Variants in STYK1 observed in about 807,000 individuals in gnomAD.
STYK1 encodes STY kinase 1, also known as tyrosine-protein kinase STYK1.
Under a neutral mutation model 48.1 loss-of-function variants are expected in STYK1, and 46 were observed. That is an observed-to-expected ratio of 0.96 (90% CI 0.75 to 1.22). The LOEUF (loss-of-function observed/expected upper bound fraction) is 1.22, where lower values mean the gene tolerates loss of function less well. Ranked by LOEUF, STYK1 falls within the 50% of genes most tolerant of loss-of-function variation. The pLI is 0.00. For synonymous variants in STYK1, 188 were observed against 189.0 expected (o/e 0.99, Z 0.04); for missense variants, 527 against 521.1 (o/e 1.01, Z -0.11).
At position 10,629,636 on chromosome 12, in the gene STYK1, G is replaced by T. The variant is rs759063099; in HGVS notation, c.490C>A (p.Arg164=). ...GLHEVQDFLG[R]IQFHQYLGKH... Reference sequence around the variant, plus strand: ...CCCAGGTATTGATGGAATTGGATTCGCCCTAAGAAATCTTGTACCTCATGG... The same window carrying T: ...CCCAGGTATTGATGGAATTGGATTCTCCCTAAGAAATCTTGTACCTCATGG... The change falls in exon 6 of 11, where the codon CGA becomes AGA. Residue 164 remains arginine (R), a synonymous_variant. Coordinates refer to ENST00000075503, the MANE Select transcript of STYK1 (RefSeq NM_018423.3). 2 of 1,614,144 alleles carry T rather than the reference G, an allele frequency of 1.2e-6. No homozygotes were observed. Among genetic ancestry groups the T allele is most frequent in the South Asian group, 1.1e-5 (1 of 91,076 alleles).
At chr12:10,635,581 A>G (rs570616594) in intron 2 of STYK1, among the ~76,000 whole-genome samples, 2 of 152,360 alleles carry the variant, frequency 1.3e-5, no homozygotes, top group African/African-American at 4.8e-5. Context: ...TTAAATAAAA[A>G]GAAAATACAT....
chr12:10,653,146 T>C (rs2125099), intron 1 of STYK1, among the ~76,000 whole-genome samples: 149,283 of 152,002 alleles, frequency 0.98, 73,361 homozygotes, highest in East Asian at 1. Flanking sequence ...GATATCGGCT[T>C]ACTGCAAGCT....
Position 10,620,237 on chromosome 12 carries a change from C to A in STYK1, c.1176G>T (p.Val392=). The stretch of plus-strand genomic sequence containing the variant: ...GTACCACCAACTCTGGTACTTGTAA[C>A]ACAGCCTCGTCATCTGCAGTTTTAA... ...AAIKTADDEA[V]LQVPELVVPE... is the part of the protein sequence containing the mutation. The change falls in exon 11 of 11, where the codon GTG becomes GTT. Residue 392 remains valine (V), a synonymous_variant. Coordinates refer to ENST00000075503, the MANE Select transcript of STYK1 (RefSeq NM_018423.3). 1.2e-6 allele frequency: 2 copies of A among 1,613,932 alleles called. No individual in the cohort carries two copies. The highest frequency in any genetic ancestry group is 8.5e-7 in the Non-Finnish European group (1 of 1,179,818).
In STYK1 at chr12:10,631,187, C is replaced by T. The variant is rs761448408; in HGVS notation, c.309G>A (p.Leu103=). The T allele has an allele frequency of 6.2e-7, 1 of 1,614,208 alleles. No homozygotes were observed. The highest frequency in any genetic ancestry group is 8.5e-7 in the Non-Finnish European group (1 of 1,180,036). The change falls in exon 5 of 11, where the codon CTG becomes CTA. Residue 103 remains leucine, a synonymous_variant. Coordinates refer to ENST00000075503, the MANE Select transcript of STYK1 (RefSeq NM_018423.3). ...GCTCCCGCGGCACCTGCAGCTTAGC[C>T]AGGGCAGGTGTGGTAGCTCCCAGAA... ...ENFLGATTPA[L]AKLQVPREQL...
chr12:10,643,100 C>A (rs1405865313), intron 1 of STYK1, among the ~76,000 whole-genome samples: 1 of 152,144 alleles, frequency 6.6e-6, no homozygotes, highest in East Asian at 1.9e-4. Flanking sequence ...TCCACTTCCC[C>A]AAATCTGCCC....
intron 1 of STYK1, among the ~76,000 whole-genome samples, chr12:10,656,355 G>C (rs893234126): frequency 6.6e-6 from 1 of 152,162 alleles, no homozygotes; most frequent in Non-Finnish European, 1.5e-5. Flanking sequence ...GGCTGAGTGC[G>C]GTGGCTCACA....
At chr12:10,657,250 C>G (rs866456688) in intron 1 of STYK1, among the ~76,000 whole-genome samples, 2 of 152,274 alleles carry the variant, frequency 1.3e-5, no homozygotes, top group South Asian at 4.1e-4. Flanking sequence ...TGGCCCTGTT[C>G]CTCAAAGGGC....
At chr12:10,648,162 A>C (rs1286394672) in intron 1 of STYK1, among the ~76,000 whole-genome samples, 1 of 152,254 alleles carries the variant, frequency 6.6e-6, no homozygotes, top group Non-Finnish European at 1.5e-5. Flanking sequence ...TTATTCATCA[A>C]ATGGAATTTA....
chr12:10,663,125 T>C (rs1327625068), intron 1 of STYK1, among the ~76,000 whole-genome samples: 1 of 152,156 alleles, frequency 6.6e-6, no homozygotes, highest in African/African-American at 2.4e-5. Flanking sequence ...TCAGCCTTAT[T>C]ATTACTAGAG....
At chr12:10,652,567 T>A (rs1196625542) in intron 1 of STYK1, among the ~76,000 whole-genome samples, 1 of 152,256 alleles carries the variant, frequency 6.6e-6, no homozygotes, top group East Asian at 1.9e-4. Context: ...TACCCTTGCT[T>A]CCTGAAGTAA....
In STYK1 at chr12:10,622,745, T is replaced by C. The variant is rs1163807681; in HGVS notation, c.927-67A>G. ...TTTTTCTAAAGAGAGCTCATTTAAG[T>C]GTCAGAAGCCTTTAATAAGAGCCCC... On this transcript the variant is annotated intron_variant, in intron 8 of 10. Transcript: ENST00000075503. The C allele has an allele frequency of 3.1e-6, 5 of 1,590,678 alleles. No individual in the cohort carries two copies. In the African/African-American group the frequency reaches 5.4e-5, roughly 17 times the overall value.
rs200398907 is a variant in STYK1 at position 10,634,004 on chromosome 12, C to T, written c.173G>A (p.Arg58His). The T allele has an allele frequency of 6.8e-5, 110 of 1,613,888 alleles. No individual in the cohort carries two copies. Among genetic ancestry groups the T allele is most frequent in the Middle Eastern group, 3.3e-4 (2 of 6,084 alleles). Reference sequence around the variant, plus strand: ...TTGAGCTTTACCTTGAGGTCCAGAACGCTGCTGTTGAGTTCTTTGTTCTCT... The same window carrying T: ...TTGAGCTTTACCTTGAGGTCCAGAATGCTGCTGTTGAGTTCTTTGTTCTCT... ...FIREQRTQQQ[R>H]SGPQGIAPVP... Residue 58 changes from arginine to histidine, a missense_variant, in exon 4 of 11, where the codon CGT becomes CAT. Transcript: ENST00000075503.
chr12:10,651,486 C>A (rs553740974), intron 1 of STYK1, among the ~76,000 whole-genome samples: 1 of 152,082 alleles, frequency 6.6e-6, no homozygotes, highest in Non-Finnish European at 1.5e-5. Context: ...ACACAAAGAG[C>A]CATTGTAATA....
At chr12:10,646,031 C>A (rs956980146) in intron 1 of STYK1, among the ~76,000 whole-genome samples, 1 of 152,170 alleles carries the variant, frequency 6.6e-6, no homozygotes, top group African/African-American at 2.4e-5. Context: ...TCCATTAAAC[C>A]TCTTTCTTTT....
chr12:10,620,927 A>C (rs1865896939), intron 10 of STYK1, among the ~76,000 whole-genome samples: 1 of 152,090 alleles, frequency 6.6e-6, no homozygotes, highest in Non-Finnish European at 1.5e-5. Context: ...ACCAGCCTTT[A>C]ACACATAGAA....
Position 10,634,666 on chromosome 12 carries a change from C to T in STYK1, c.-48G>A, listed in dbSNP as rs1337028603. ...CTGCTAGGCCCACAGAGAATGCACACAGCACAGCTGTGAGTAATTCCTAAG... is the reference window on the plus strand; with the variant it reads ...CTGCTAGGCCCACAGAGAATGCACATAGCACAGCTGTGAGTAATTCCTAAG... On this transcript the variant is annotated 5_prime_UTR_variant, in exon 3 of 11. In the 5' UTR this introduces an upstream ATG that the reference lacks. Coordinates refer to ENST00000075503, the MANE Select transcript of STYK1 (RefSeq NM_018423.3). 1 of 1,609,214 alleles carries T rather than the reference C, an allele frequency of 6.2e-7. No individual in the cohort carries two copies. Among genetic ancestry groups the T allele is most frequent in the South Asian group, 1.1e-5 (1 of 90,824 alleles).
chr12:10,659,053 G>A (rs1355004983), intron 1 of STYK1, among the ~76,000 whole-genome samples: 1 of 152,118 alleles, frequency 6.6e-6, no homozygotes, highest in African/African-American at 2.4e-5. Context: ...TGTGACATTA[G>A]GATAGAGGCG....
chr12:10,631,767 C>A (rs936804356), intron 4 of STYK1, among the ~76,000 whole-genome samples: 31 of 152,142 alleles, frequency 2.0e-4, no homozygotes, highest in Non-Finnish European at 1.3e-4. Flanking sequence ...TATTCTTCCT[C>A]CTTTGAGTTA....
At chr12:10,656,944 C>A (rs758224233) in intron 1 of STYK1, among the ~76,000 whole-genome samples, 10 of 152,096 alleles carry the variant, frequency 6.6e-5, no homozygotes, top group Non-Finnish European at 1.2e-4. Flanking sequence ...TATGAGAGAG[C>A]TTTGGTTTGT....
Sources: gnomAD v4.1 joint callset for allele counts (sites outside exome capture counted in the v4.1 genomes callset) on GRCh38, gnomAD v4.1.1 for gene constraint, MANE v1.5 for transcripts, NCBI Gene and HGNC (gene_info 2026-07-23, HGNC 2026-07-21) for gene names.